PDE8A: variants seen among roughly 807,000 people sequenced by gnomAD.
The protein encoded by PDE8A is high affinity cAMP-specific and IBMX-insensitive 3',5'-cyclic phosphodiesterase 8A.
A neutral mutation model predicts 105.0 loss-of-function variants in PDE8A; 59 were observed. The ratio of observed to expected loss-of-function variants is 0.56; its 90% CI spans 0.46 to 0.70. PDE8A has a LOEUF of 0.70. Among genes scored for constraint, PDE8A ranks in the 30% least tolerant of loss-of-function variants. The probability of loss-of-function intolerance (pLI) is 0.00; values close to 1 mark genes in which losing one functional copy is unlikely to be tolerated. For synonymous variants in PDE8A, 355 were observed against 371.9 expected (o/e 0.95, Z 0.52); for missense variants, 1,014 against 1,045.9 (o/e 0.97, Z 0.42).
chr15:85,052,601 G>T (rs974539494), intron 1 of PDE8A, among the ~76,000 whole-genome samples: 2 of 152,142 alleles, frequency 1.3e-5, no homozygotes, highest in African/African-American at 2.4e-5. Context: ...TCATGTGTCT[G>T]TTGGCTGCAT....
intron 14 of PDE8A, 66 bp downstream of exon 14, chr15:85,114,103 T>A: frequency 7.1e-7 from 1 of 1,402,584 alleles, no homozygotes; most frequent in South Asian, 1.2e-5. Flanking sequence ...TCAGAGGTTA[T>A]TCACTTAAAC....
At chr15:85,036,527 T>G (rs992507734) in intron 1 of PDE8A, among the ~76,000 whole-genome samples, 25 of 152,200 alleles carry the variant, frequency 1.6e-4, no homozygotes, top group African/African-American at 5.8e-4. Flanking sequence ...AGAGTAAAGC[T>G]ATGAGCCCAC....
At chr15:85,033,101 A>G (rs893307414) in intron 1 of PDE8A, among the ~76,000 whole-genome samples, 1 of 152,206 alleles carries the variant, frequency 6.6e-6, no homozygotes, top group East Asian at 1.9e-4. Context: ...AAACCAGAAA[A>G]TGAGTAGAAT....
At chr15:85,039,870 T>C (rs1000775872) in intron 1 of PDE8A, among the ~76,000 whole-genome samples, 7 of 152,196 alleles carry the variant, frequency 4.6e-5, no homozygotes, top group South Asian at 2.1e-4. Flanking sequence ...ATTTCACTTA[T>C]GTGGAATATA....
At chr15:85,062,264 G>A (rs1277990321) in intron 1 of PDE8A, among the ~76,000 whole-genome samples, 2 of 152,110 alleles carry the variant, frequency 1.3e-5, no homozygotes, top group African/African-American at 2.4e-5. Flanking sequence ...GTTTTGTTTT[G>A]TTTTGTTTTT....
At chr15:85,136,823 T>C (rs2082418394) in intron 21 of PDE8A, among the ~76,000 whole-genome samples, 160 bp downstream of exon 21, 1 of 152,120 alleles carries the variant, frequency 6.6e-6, no homozygotes, top group Non-Finnish European at 1.5e-5. Context: ...GGGCTAGGTG[T>C]TCTTTCTTAA....
At chr15:85,115,054 G>A (rs1364357852) in intron 14 of PDE8A, among the ~76,000 whole-genome samples, 1 of 152,144 alleles carries the variant, frequency 6.6e-6, no homozygotes, top group Admixed American at 6.5e-5. Context: ...AGGGTTGCAC[G>A]AAAATGGAGG....
intron 20 of PDE8A, among the ~76,000 whole-genome samples, chr15:85,130,957 A>T (rs751923379): frequency 1.2e-4 from 19 of 152,022 alleles, no homozygotes; most frequent in Non-Finnish European, 1.9e-4. Flanking sequence ...ACGGGGTTTC[A>T]TGTTGGTCAG....
intron 5 of PDE8A, among the ~76,000 whole-genome samples, chr15:85,078,548 C>CAAGAA (rs2081414466): frequency 1.1e-5 from 1 of 94,346 alleles, no homozygotes; most frequent in Non-Finnish European, 2.1e-5. Flanking sequence ...TACTCCATCT[C>CAAGAA]AAAAAAAAAA....
rs554202660 is a variant in PDE8A, at chr15:85,102,969, C to G, written c.1036+2771C>G. On this transcript the variant is annotated intron_variant, in intron 11 of 21. Coordinates refer to ENST00000394553, the MANE Select transcript of PDE8A (RefSeq NM_002605.3). ...GGTGTGGTGGCTCACACCTCTAATCCTAGCACTTTGGGAGGCCAAGGCAGG... is the reference window on the plus strand; with the variant it reads ...GGTGTGGTGGCTCACACCTCTAATCGTAGCACTTTGGGAGGCCAAGGCAGG... Among the ~76,000 whole-genome samples the G allele has an allele frequency of 9.3e-4, 141 of 152,274 alleles. 1 individual carries two copies. The highest frequency in any genetic ancestry group is 3.2e-3 in the African/African-American group (135 of 41,552).
chr15:85,082,907 A>C (rs1299147049), intron 5 of PDE8A, among the ~76,000 whole-genome samples: 1 of 152,212 alleles, frequency 6.6e-6, no homozygotes, highest in Non-Finnish European at 1.5e-5. Flanking sequence ...TTGTCGTGAG[A>C]TATTTCCACT....
At chr15:85,005,298 T>C (rs2080128568) in intron 1 of PDE8A, among the ~76,000 whole-genome samples, 1 of 152,124 alleles carries the variant, frequency 6.6e-6, no homozygotes, top group Non-Finnish European at 1.5e-5. Context: ...AATTTTTTTG[T>C]AGAGAAAGGT....
intron 1 of PDE8A, among the ~76,000 whole-genome samples, chr15:85,050,907 G>T (rs140168966): frequency 7.7e-4 from 117 of 152,254 alleles, no homozygotes; most frequent in African/African-American, 2.7e-3. Context: ...GAGTAGTATT[G>T]ACATCTTAAC....
In PDE8A at chr15:85,091,026, T is replaced by C; in HGVS notation, c.715-18T>C. On this transcript the variant is annotated intron_variant, in intron 7 of 21. Coordinates refer to ENST00000394553, the MANE Select transcript of PDE8A (RefSeq NM_002605.3). ...GACTTTTAATTCACTTTATGTTTTT[T>C]CTTTTGTCTCCCTTCAGTATGCAAA... 1 of 1,591,792 alleles carries C rather than the reference T, an allele frequency of 6.3e-7. No individual in the cohort carries two copies. The highest frequency in any genetic ancestry group is 8.5e-7 in the Non-Finnish European group (1 of 1,170,036).
chr15:85,062,969 A>T (rs950254710), intron 1 of PDE8A: 1 of 152,226 alleles, frequency 6.6e-6, no homozygotes, highest in Admixed American at 6.5e-5. Context: ...TTACACCAGT[A>T]TGAGACTGGC....
chr15:85,042,819 C>T (rs1042539330), intron 1 of PDE8A, among the ~76,000 whole-genome samples: 2 of 152,162 alleles, frequency 1.3e-5, no homozygotes, highest in Non-Finnish European at 2.9e-5. Context: ...CACTATTTTC[C>T]AAGTGAAGCT....
At chr15:85,000,724 G>A (rs1005599995) in intron 1 of PDE8A, among the ~76,000 whole-genome samples, 1 of 152,230 alleles carries the variant, frequency 6.6e-6, no homozygotes, top group Non-Finnish European at 1.5e-5. Context: ...TTTGGAGTCA[G>A]TGGTTTCTAA....
chr15:85,130,091 TATGATCAGAGC>T (rs2082309953), intron 20 of PDE8A, among the ~76,000 whole-genome samples: 1 of 152,080 alleles, frequency 6.6e-6, no homozygotes, highest in Non-Finnish European at 1.5e-5. Flanking sequence ...TCAGGAAGCT[TATGATCAGAGC>T]AAAGGAAGGG....
chr15:85,095,715 G>A (rs1204203892), intron 8 of PDE8A, among the ~76,000 whole-genome samples: 1 of 151,812 alleles, frequency 6.6e-6, no homozygotes, highest in Non-Finnish European at 1.5e-5. Flanking sequence ...AAAACTTATT[G>A]ACTCTGTTAC....
Sources: allele counts gnomAD v4.1 joint callset (sites outside exome capture counted in the v4.1 genomes callset), GRCh38; gene constraint gnomAD v4.1.1; transcripts MANE v1.5; gene names NCBI Gene and HGNC (gene_info 2026-07-23, HGNC 2026-07-21).